The following PCAT7 variants were observed in gnomAD, a reference collection of about 807,000 sequenced individuals.
PCAT7 encodes the protein prostate cancer associated transcript 7, also known as prostate cancer associated transcript 7 (non-protein coding).
chr9:94,556,290 G>A (rs1394833627), intron 1 of PCAT7, among the ~76,000 whole-genome samples: 2 of 151,156 alleles, frequency 1.3e-5, no homozygotes, highest in Non-Finnish European at 2.9e-5. Context: ...AGGGAGAAGG[G>A]GGAAAATACG....
At chr9:94,557,107 T>C (rs575678763) in intron 1 of PCAT7, among the ~76,000 whole-genome samples, 1 of 152,238 alleles carries the variant, frequency 6.6e-6, no homozygotes, top group Non-Finnish European at 1.5e-5. Flanking sequence ...ACCATACTGT[T>C]TTGATAGTAC....
intron 2 of PCAT7, among the ~76,000 whole-genome samples, chr9:94,563,871 A>G (rs1276653123): frequency 6.6e-6 from 1 of 152,222 alleles, no homozygotes; most frequent in African/African-American, 2.4e-5. Context: ...CTTTAAACCA[A>G]TAAAGTTCAA....
intron 2 of PCAT7, among the ~76,000 whole-genome samples, chr9:94,564,072 A>T (rs994755425): frequency 3.9e-5 from 6 of 152,230 alleles, no homozygotes; most frequent in Non-Finnish European, 8.8e-5. Flanking sequence ...GACAGTAATC[A>T]CTGAAGCAGA....
intron 1 of PCAT7, among the ~76,000 whole-genome samples, chr9:94,557,802 T>C (rs1243844230): frequency 6.6e-6 from 1 of 152,246 alleles, no homozygotes; most frequent in Non-Finnish European, 1.5e-5. Flanking sequence ...CAATCTTTCA[T>C]GAATGTCTTT....
At chr9:94,559,925 T>C (rs1276945194) in intron 2 of PCAT7, among the ~76,000 whole-genome samples, 2 of 152,112 alleles carry the variant, frequency 1.3e-5, no homozygotes, top group Non-Finnish European at 2.9e-5. Context: ...TCCAGGCATT[T>C]GAGACCCCAT....
At chr9:94,559,182 C>T (rs761479092) in intron 2 of PCAT7, 2 of 1,534,646 alleles carry the variant, frequency 1.3e-6, no homozygotes, top group Non-Finnish European at 8.9e-7. Context: ...GGCCAAATGT[C>T]CCGAGCCATG....
exon 3 of PCAT7, chr9:94,573,006 T>C (rs1827284609): frequency 6.6e-6 from 1 of 152,214 alleles, no homozygotes; most frequent in Non-Finnish European, 1.5e-5. Flanking sequence ...ACATAGACCA[T>C]CATGTCGTCT....
intron 2 of PCAT7, among the ~76,000 whole-genome samples, chr9:94,572,335 G>A (rs901046389): frequency 4.0e-5 from 6 of 151,546 alleles, no homozygotes; most frequent in East Asian, 2.0e-4. Flanking sequence ...ACACACACAC[G>A]CACACTTATT....
chr9:94,558,893 A>T lies in PCAT7; in HGVS notation n.258-76A>T, dbSNP rs77207190. On this transcript the variant is annotated intron_variant and non_coding_transcript_variant, in intron 1 of 8. Coordinates refer to ENST00000647389, the Ensembl canonical transcript of PCAT7. ...TTTATCGTTCATTTAGGGTCCTTAG[A>T]CAAGGTGCAAGACAAACAGAAGAGG... 658 of 1,577,114 alleles carry T rather than the reference A, an allele frequency of 4.2e-4. 13 individuals carry two copies. In the East Asian group the frequency reaches 0.011, roughly 26 times the overall value.
chr9:94,563,331 G>C (rs756412826), intron 2 of PCAT7: 1 of 1,613,384 alleles, frequency 6.2e-7, no homozygotes, highest in Non-Finnish European at 8.5e-7. Context: ...CAGTGGACAA[G>C]GGAGAATTAC....
chr9:94,564,948 C>T (rs892889690), intron 2 of PCAT7, among the ~76,000 whole-genome samples: 5 of 151,888 alleles, frequency 3.3e-5, no homozygotes, highest in African/African-American at 4.8e-5. Context: ...TGAATGTTCC[C>T]AACACAAAGA....
intron 2 of PCAT7, among the ~76,000 whole-genome samples, chr9:94,561,332 CCATGTGA>C (rs1346423711): frequency 6.8e-6 from 1 of 146,580 alleles, no homozygotes; most frequent in African/African-American, 2.5e-5. Flanking sequence ...GGCCTGCAGG[CCATGTGA>C]CATGTGACCT....
At chr9:94,563,503 A>G (rs1470184573) in intron 2 of PCAT7, 3 of 1,595,140 alleles carry the variant, frequency 1.9e-6, no homozygotes, top group Non-Finnish European at 2.6e-6. Context: ...AGTGGCTTTC[A>G]GGATTAGCCA....
At chr9:94,563,378 G>A (rs1378362541) in intron 2 of PCAT7, 1 of 1,614,132 alleles carries the variant, frequency 6.2e-7, no homozygotes, top group Admixed American at 1.7e-5. Context: ...CTGGGTACAG[G>A]AAGATTCCTC....
chr9:94,559,000 C>T, exon 2 of PCAT7: 2 of 1,614,058 alleles, frequency 1.2e-6, no homozygotes, highest in East Asian at 4.5e-5. Flanking sequence ...TCTGGTGACC[C>T]CAGAATGAGG....
intron 2 of PCAT7, among the ~76,000 whole-genome samples, chr9:94,565,368 C>T (rs1315119433): frequency 2.1e-5 from 1 of 46,570 alleles, no homozygotes; most frequent in African/African-American, 8.1e-5. Flanking sequence ...GACTCCACCT[C>T]AAAAAAAAAA....
chr9:94,561,352 ATTTTTTTTTTTTT>A (rs1174386595), intron 2 of PCAT7, among the ~76,000 whole-genome samples: 3 of 54,990 alleles, frequency 5.5e-5, no homozygotes, highest in South Asian at 9.8e-4. Context: ...TGTGACCTGT[ATTTTTTTTTTTTT>A]TTTTTTTTTT....
At chr9:94,565,818 C>T (rs914507813) in intron 2 of PCAT7, among the ~76,000 whole-genome samples, 2 of 151,752 alleles carry the variant, frequency 1.3e-5, no homozygotes, top group African/African-American at 2.4e-5. Flanking sequence ...AGGGAGGGAG[C>T]GAGGGCAGGA....
chr9:94,568,967 G>A (rs1457810018), intron 2 of PCAT7: 1 of 152,240 alleles, frequency 6.6e-6, no homozygotes, highest in South Asian at 2.1e-4. Context: ...AACACCCCAT[G>A]GTTCCTCTGC....
Sources: gnomAD v4.1 joint callset for allele counts (sites outside exome capture counted in the v4.1 genomes callset) on GRCh38, gnomAD v4.1.1 for gene constraint, MANE v1.5 for transcripts, NCBI Gene and HGNC (gene_info 2026-07-23, HGNC 2026-07-21) for gene names.